Variants in SEC63 observed in about 807,000 individuals in gnomAD.
The protein encoded by SEC63 is SEC63 protein translocation regulator, also known as translocation protein SEC63 homolog.
SEC63 carries 56 observed loss-of-function variants against 116.2 expected under a neutral mutation model. That is an observed-to-expected ratio of 0.48 (90% CI 0.39 to 0.60). The LOEUF is 0.60. SEC63 is among the 20% of genes least tolerant of loss of function. SEC63 has a pLI of 0.00. For synonymous variants in SEC63, 273 were observed against 294.6 expected, an observed-to-expected ratio of 0.93 and a Z score of 0.75; for missense variants, 668 against 900.0, an observed-to-expected ratio of 0.74 and a Z score of 3.30.
chr6:107,935,177 A>C (rs1164074562), intron 1 of SEC63, among the ~76,000 whole-genome samples: 1 of 146,682 alleles, frequency 6.8e-6, no homozygotes, highest in African/African-American at 2.5e-5. Context: ...TGGGGGGGTC[A>C]GCCCCCCGCC....
Position 107,872,885 on chromosome 6 carries a change from T to C in SEC63, c.2062A>G (p.Lys688Glu). ...EVELKFPAPG[K>E]PGNYQYTVFL... ...ACAGTATACTGATAATTTCCAGGCT[T>C]GCCTGGTGCAGGAAACTTCAGCTCT... The change falls in exon 20 of 21, where the codon AAG (lysine) becomes GAG (glutamate). Residue 688 changes from lysine (K) to glutamate (E), a missense_variant. This residue lies in a region of SEC63 where 85 missense variants were observed against 116.3 expected (regional missense o/e 0.73). Transcript: ENST00000369002. The C allele has an allele frequency of 6.4e-7, 1 of 1,550,698 alleles. No homozygotes were observed.
At chr6:107,913,568 C>G (rs1287100855) in intron 4 of SEC63, 141 bp from the exon 5 acceptor site, 1 of 740,252 alleles carries the variant, frequency 1.4e-6, no homozygotes. Context: ...TCTCTGAAAT[C>G]AGGAGAAAGG....
chr6:107,909,920 G>A (rs781434484), intron 7 of SEC63, among the ~76,000 whole-genome samples: 23 of 152,196 alleles, frequency 1.5e-4, no homozygotes, highest in Middle Eastern at 3.4e-3. Flanking sequence ...TGGTATCTCC[G>A]TATTATAGTA....
intron 1 of SEC63, among the ~76,000 whole-genome samples, chr6:107,934,217 G>A (rs1583768232): frequency 6.6e-6 from 1 of 150,938 alleles, no homozygotes; most frequent in Admixed American, 6.6e-5. Flanking sequence ...CTGCCTGGCT[G>A]CCCAGTCTGG....
At chr6:107,926,019 T>C (rs1366124783) in intron 2 of SEC63, among the ~76,000 whole-genome samples, 4 of 152,158 alleles carry the variant, frequency 2.6e-5, no homozygotes, top group African/African-American at 9.7e-5. Flanking sequence ...GGTTTCACCA[T>C]GTTGGCCAGG....
At chr6:107,882,955 A>G (rs1169342322) in intron 17 of SEC63, 33 bp downstream of exon 17, 9 of 1,373,500 alleles carry the variant, frequency 6.6e-6, no homozygotes, top group Non-Finnish European at 9.3e-6. Flanking sequence ...TATAATTCCA[A>G]TTATTTAAAT....
At chr6:107,934,512 G>A (rs1331493075) in intron 1 of SEC63, among the ~76,000 whole-genome samples, 22 of 136,850 alleles carry the variant, frequency 1.6e-4, no homozygotes, top group East Asian at 2.2e-4. Context: ...GAGCCCCTCC[G>A]CCCGGCAGCC....
At chr6:107,944,856 G>A (rs1047790491) in intron 1 of SEC63, among the ~76,000 whole-genome samples, 1 of 152,048 alleles carries the variant, frequency 6.6e-6, no homozygotes, top group African/African-American at 2.4e-5. Flanking sequence ...ATCATCTGCT[G>A]TACCTGTACG....
intron 1 of SEC63, 111 bp from the exon 2 acceptor site, chr6:107,929,625 A>G: frequency 2.9e-6 from 2 of 679,300 alleles, no homozygotes; most frequent in Non-Finnish European, 5.3e-6. Flanking sequence ...TTAATGGAAC[A>G]TGAAATTACT....
chr6:107,910,006 T>A (rs942289639), intron 7 of SEC63, among the ~76,000 whole-genome samples: 1 of 152,168 alleles, frequency 6.6e-6, no homozygotes, highest in Non-Finnish European at 1.5e-5. Flanking sequence ...AACAGAATAA[T>A]GCACACATAC....
At chr6:107,934,303 T>C (rs1302853774) in intron 1 of SEC63, among the ~76,000 whole-genome samples, 4 of 149,018 alleles carry the variant, frequency 2.7e-5, no homozygotes, top group Non-Finnish European at 5.9e-5. Context: ...CGCCATCCCA[T>C]CTAGGAAGTG....
At chr6:107,950,484 C>G (rs903197144) in intron 1 of SEC63, among the ~76,000 whole-genome samples, 3 of 152,128 alleles carry the variant, frequency 2.0e-5, no homozygotes, top group African/African-American at 7.2e-5. Flanking sequence ...TTCAGAAGTG[C>G]CATGGGACGT....
intron 13 of SEC63, among the ~76,000 whole-genome samples, chr6:107,900,985 G>C (rs533533617): frequency 5.3e-5 from 8 of 152,100 alleles, no homozygotes; most frequent in African/African-American, 1.4e-4. Flanking sequence ...AAATAAGTTG[G>C]GTTTTAAAAA....
rs1157720286 is a variant in SEC63 at position 107,958,108 on chromosome 6, C to G, written c.-99G>C. On this transcript the variant is annotated 5_prime_UTR_variant, in exon 1 of 21. Transcript: ENST00000369002. ...CCCGGCCCGAGTGGCGTAGCTTGGA[C>G]ACTGCCGCCGCCGCCTCTCCTCCCC... The G allele has an allele frequency of 1.3e-6, 2 of 1,560,150 alleles. No individual in the cohort carries two copies. The highest frequency in any genetic ancestry group is 3.4e-5 in the Admixed American group (2 of 58,832).
chr6:107,917,054 T>C (rs1168411601), intron 4 of SEC63, among the ~76,000 whole-genome samples: 1 of 152,196 alleles, frequency 6.6e-6, no homozygotes, highest in African/African-American at 2.4e-5. Flanking sequence ...GGTTGTGGGT[T>C]TACCGGAATG....
At chr6:107,873,346 A>G (rs1562310982) in intron 19 of SEC63, among the ~76,000 whole-genome samples, 1 of 152,220 alleles carries the variant, frequency 6.6e-6, no homozygotes, top group African/African-American at 2.4e-5. Flanking sequence ...GGTCAAGAAG[A>G]TATTTTATTT....
intron 1 of SEC63, among the ~76,000 whole-genome samples, chr6:107,945,250 G>A (rs1171257259): frequency 1.3e-5 from 2 of 150,514 alleles, no homozygotes; most frequent in East Asian, 3.9e-4. Flanking sequence ...ATCTACACGA[G>A]AAAACTCCTA....
intron 1 of SEC63, among the ~76,000 whole-genome samples, chr6:107,951,906 G>C (rs1460252923): frequency 1.3e-5 from 2 of 149,952 alleles, no homozygotes; most frequent in Non-Finnish European, 2.9e-5. Flanking sequence ...CCAGGAGGCA[G>C]ACCTTGCAGT....
intron 1 of SEC63, among the ~76,000 whole-genome samples, chr6:107,945,411 A>G (rs1415165531): frequency 6.6e-6 from 1 of 151,474 alleles, no homozygotes; most frequent in Non-Finnish European, 1.5e-5. Context: ...GGTTCAATCA[A>G]TTCTCCTGCC....
Sources: gnomAD v4.1 joint callset for allele counts (sites outside exome capture counted in the v4.1 genomes callset) on GRCh38, gnomAD v4.1.1 for gene constraint, gnomAD v4.1.1 regional missense constraint, MANE v1.5 for transcripts, NCBI Gene and HGNC (gene_info 2026-07-23, HGNC 2026-07-21) for gene names.